PPFIBP2: variants seen among roughly 807,000 people sequenced by gnomAD.
PPFIBP2 encodes PPFIB scaffold protein 2, also known as liprin-beta-2.
Under a neutral mutation model 118.3 loss-of-function variants are expected in PPFIBP2, and 118 were observed. That is an observed-to-expected ratio of 1.00 (90% CI 0.86 to 1.16). The LOEUF (loss-of-function observed/expected upper bound fraction) is 1.16, where lower values mean the gene tolerates loss of function less well. Ranked by LOEUF, PPFIBP2 falls within the 50% of genes most tolerant of loss-of-function variation. PPFIBP2 has a pLI of 0.00. For missense variants in PPFIBP2, 1,195 were observed against 1,073.1 expected (o/e 1.11, Z -1.59); for synonymous variants, 414 against 397.4 (o/e 1.04, Z -0.50).
At chr11:7,635,882 G>C (rs892503913) in intron 14 of PPFIBP2, among the ~76,000 whole-genome samples, 2 of 152,150 alleles carry the variant, frequency 1.3e-5, no homozygotes, top group African/African-American at 4.8e-5. Flanking sequence ...TCACTGGGAA[G>C]GGGATTGCTA....
chr11:7,546,485 C>T (rs973684531), intron 1 of PPFIBP2, among the ~76,000 whole-genome samples: 16 of 152,166 alleles, frequency 1.1e-4, no homozygotes, highest in Middle Eastern at 3.2e-3. Flanking sequence ...CCTTCTGTTG[C>T]GGGGGCACAT....
At chr11:7,564,292 G>A (rs1397519838) in intron 2 of PPFIBP2, among the ~76,000 whole-genome samples, 1 of 152,196 alleles carries the variant, frequency 6.6e-6, no homozygotes, top group Admixed American at 6.5e-5. Flanking sequence ...TCAGGTATAT[G>A]TGCGGGCATT....
intron 1 of PPFIBP2, 21 bp downstream of exon 1, chr11:7,514,142 C>T (rs1441591548): frequency 6.6e-6 from 1 of 152,314 alleles, no homozygotes; most frequent in Non-Finnish European, 1.5e-5. Flanking sequence ...TCTCCCCACA[C>T]CCCGGGCTTG....
At position 7,618,207 on chromosome 11, in the gene PPFIBP2, G is replaced by C. The variant is rs543292797; in HGVS notation, c.619-2728G>C. Among the ~76,000 whole-genome samples, 10 of 152,340 alleles carry C rather than the reference G, an allele frequency of 6.6e-5. No individual in the cohort carries two copies. In the South Asian group the frequency reaches 2.1e-3, roughly 32 times the overall value. ...TGCATTAAAGGACAGCGGGGAAATAGGAAAGTCAAGATGTAAATGTAGACT... is the reference window on the plus strand; with the variant it reads ...TGCATTAAAGGACAGCGGGGAAATACGAAAGTCAAGATGTAAATGTAGACT... On this transcript the variant is annotated intron_variant, in intron 6 of 23. Coordinates refer to ENST00000299492, the MANE Select transcript of PPFIBP2 (RefSeq NM_003621.5).
At position 7,563,186 on chromosome 11, in the gene PPFIBP2, A is replaced by G. The variant is rs187156588; in HGVS notation, c.65-2367A>G. Among the ~76,000 whole-genome samples, 360 of 151,868 alleles carry G rather than the reference A, an allele frequency of 2.4e-3. 1 individual carries two copies. The highest frequency in any genetic ancestry group is 8.4e-3 in the African/African-American group (347 of 41,408). On this transcript the variant is annotated intron_variant, in intron 2 of 23. Coordinates refer to ENST00000299492, the MANE Select transcript of PPFIBP2 (RefSeq NM_003621.5). ...TTCCATCCACCTTTTAGCCTGACTCACTCTTCCCACATTTATGAAATACTT... is the reference window on the plus strand; with the variant it reads ...TTCCATCCACCTTTTAGCCTGACTCGCTCTTCCCACATTTATGAAATACTT...
chr11:7,532,225 C>CG (rs1554942651), intron 1 of PPFIBP2, among the ~76,000 whole-genome samples: 1 of 151,948 alleles, frequency 6.6e-6, no homozygotes, highest in Admixed American at 6.6e-5. Flanking sequence ...ATCTGCTCTG[C>CG]TTTTAAGTAC....
At chr11:7,609,901 T>A (rs577771328) in intron 5 of PPFIBP2, among the ~76,000 whole-genome samples, 1 of 152,336 alleles carries the variant, frequency 6.6e-6, no homozygotes, top group East Asian at 1.9e-4. Flanking sequence ...TCTAGAAATT[T>A]TGGCTTTGAA....
At chr11:7,606,020 G>C (rs1847298538) in intron 5 of PPFIBP2, 1 of 1,533,246 alleles carries the variant, frequency 6.5e-7, no homozygotes, top group South Asian at 1.2e-5. Flanking sequence ...CCTAAAGTAG[G>C]TAGAAAAGCT....
intron 5 of PPFIBP2, among the ~76,000 whole-genome samples, chr11:7,602,542 G>T (rs1385986070): frequency 6.6e-6 from 1 of 152,196 alleles, no homozygotes; most frequent in Non-Finnish European, 1.5e-5. Context: ...CTACTCGGTG[G>T]ATAAGAGGTT....
chr11:7,566,684 A>G (rs1482141329), intron 3 of PPFIBP2, among the ~76,000 whole-genome samples: 1 of 151,898 alleles, frequency 6.6e-6, no homozygotes, highest in African/African-American at 2.4e-5. Flanking sequence ...TCACTAATAT[A>G]CCTAAATTAT....
At chr11:7,638,351 T>C (rs1296123377) in intron 14 of PPFIBP2, among the ~76,000 whole-genome samples, 1 of 152,242 alleles carries the variant, frequency 6.6e-6, no homozygotes. Context: ...GAAAATCTCA[T>C]AGCCTTCCTC....
intron 1 of PPFIBP2, among the ~76,000 whole-genome samples, chr11:7,535,938 C>G (rs1851169458): frequency 6.6e-6 from 1 of 152,044 alleles, no homozygotes; most frequent in Non-Finnish European, 1.5e-5. Context: ...CAATGAGGGA[C>G]CCGGAGAGCG....
chr11:7,591,045 C>T (rs1325139311), intron 3 of PPFIBP2, among the ~76,000 whole-genome samples: 1 of 152,174 alleles, frequency 6.6e-6, no homozygotes, highest in Non-Finnish European at 1.5e-5. Flanking sequence ...CCCCTTCTAG[C>T]ATGTGCTATA....
chr11:7,536,794 GGTA>G (rs896933049), intron 1 of PPFIBP2, among the ~76,000 whole-genome samples: 25 of 152,126 alleles, frequency 1.6e-4, no homozygotes, highest in African/African-American at 6.0e-4. Flanking sequence ...TGACCAGAGA[GGTA>G]GAATGAGCTG....
chr11:7,531,426 C>T lies in PPFIBP2; in HGVS notation c.-37+17305C>T, dbSNP rs573257808. Among the ~76,000 whole-genome samples, 2 of 152,304 alleles carry T rather than the reference C, an allele frequency of 1.3e-5. 1 individual carries two copies. Among genetic ancestry groups the T allele is most frequent in the South Asian group, 4.1e-4 (2 of 4,826 alleles). ...TCTTTGTAGCATCCTAAAATCTGGC[C>T]TCACTAAATGGTCTCGGTCCAGAGG... On this transcript the variant is annotated intron_variant, in intron 1 of 23. Transcript: ENST00000299492.
intron 14 of PPFIBP2, among the ~76,000 whole-genome samples, chr11:7,637,097 A>G (rs1234565968): frequency 1.3e-5 from 2 of 152,144 alleles, no homozygotes; most frequent in African/African-American, 4.8e-5. Context: ...CCTACTCCTG[A>G]CAGCTCTGGA....
rs111616566 is a variant in PPFIBP2, at chr11:7,653,230, C to T, written c.*12C>T. The T allele has an allele frequency of 8.1e-6, 13 of 1,613,904 alleles. No homozygotes were observed. Among genetic ancestry groups the T allele is most frequent in the Non-Finnish European group, 1.1e-5 (13 of 1,179,990 alleles). ...GACAGATTAGCTGATGCCCTTGTCA[C>T]CTGCCCTCTGTGCACCCTGAGAGCT... On this transcript the variant is annotated 3_prime_UTR_variant, in exon 24 of 24. Coordinates refer to ENST00000299492, the MANE Select transcript of PPFIBP2 (RefSeq NM_003621.5).
At chr11:7,653,797 G>C (rs188323419), downstream of PPFIBP2, 7 of 1,195,472 alleles carry the variant, frequency 5.9e-6, no homozygotes, top group East Asian at 1.2e-4. Context: ...TGGGGAAAAA[G>C]AGCTGAGGGT....
At chr11:7,620,208 C>T (rs147355163) in intron 6 of PPFIBP2, among the ~76,000 whole-genome samples, 24 of 152,250 alleles carry the variant, frequency 1.6e-4, no homozygotes, top group African/African-American at 5.3e-4. Context: ...AGAATGGCAT[C>T]GGAACTCATC....
Sources: allele counts gnomAD v4.1 joint callset (sites outside exome capture counted in the v4.1 genomes callset), GRCh38; gene constraint gnomAD v4.1.1; transcripts MANE v1.5; gene names NCBI Gene and HGNC (gene_info 2026-07-23, HGNC 2026-07-21).